Variants in ZACN observed in about 807,000 individuals in gnomAD.
The protein encoded by ZACN is zinc activated ion channel.
Under a neutral mutation model 38.9 loss-of-function variants are expected in ZACN, and 52 were observed. That is an observed-to-expected ratio of 1.34 (90% CI 1.07 to 1.68). The LOEUF (loss-of-function observed/expected upper bound fraction) is 1.68, where lower values mean the gene tolerates loss of function less well. Among genes scored for constraint, ZACN ranks in the 40% most tolerant of loss-of-function variants. The probability of loss-of-function intolerance (pLI) is 0.00; values close to 1 mark genes in which losing one functional copy is unlikely to be tolerated. For synonymous variants in ZACN, 235 were observed against 227.4 expected, an observed-to-expected ratio of 1.03 and a Z score of -0.30; for missense variants, 559 against 525.6, an observed-to-expected ratio of 1.06 and a Z score of -0.62.
In ZACN at chr17:76,079,912, T is replaced by C; in HGVS notation, c.292T>C (p.Trp98Arg). The C allele has an allele frequency of 1.3e-6, 2 of 1,599,276 alleles. No individual in the cohort carries two copies. The highest frequency in any genetic ancestry group is 1.7e-6 in the Non-Finnish European group (2 of 1,172,830). ...GTCCTGGCTGGACACTCGCCTGGCC[T>C]GGAACACTAGTGCACACCCGCGGCA... ...RLSWLDTRLA[W>R]NTSAHPRHAI... The change falls in exon 4 of 9, where the codon TGG becomes CGG. Residue 98 changes from tryptophan (W) to arginine (R), a missense_variant. Transcript: ENST00000334586.
chr17:76,082,257 C>T, intron 8 of ZACN: 1 of 775,750 alleles, frequency 1.3e-6, no homozygotes, highest in Non-Finnish European at 2.0e-6. Flanking sequence ...CAGGTGACCT[C>T]AATCCCCTGA....
In ZACN at chr17:76,079,345, C is replaced by T; in HGVS notation, c.81C>T (p.Phe27=). The change falls in exon 1 of 9, where the codon TTC becomes TTT. Residue 27 remains phenylalanine (F), a synonymous_variant. Transcript: ENST00000334586. ...ITLLLVHGQG[F]QGTAAIWPSL... is the part of the protein sequence containing the mutation. The stretch of plus-strand genomic sequence containing the variant: ...TGCTGTTGGTCCACGGGCAGGGCTT[C>T]CAAGGGACAGCAGCCAGTAGGTGGA... 5 of 1,614,122 alleles carry T rather than the reference C, an allele frequency of 3.1e-6. No individual in the cohort carries two copies. The highest frequency in any genetic ancestry group is 4.2e-6 in the Non-Finnish European group (5 of 1,179,984).
In ZACN at chr17:76,080,414, C is replaced by T. The variant is rs920331199; in HGVS notation, c.534C>T (p.Leu178=). 1 of 1,613,746 alleles carries T rather than the reference C, an allele frequency of 6.2e-7. No homozygotes were observed. Among genetic ancestry groups the T allele is most frequent in the Non-Finnish European group, 8.5e-7 (1 of 1,180,006 alleles). ...HSNCSLSFYA[L]SNTAMELEFQ... Reference sequence around the variant, plus strand: ...ACTGCAGCCTCAGCTTCTACGCTCTCAGCAACACGGGTGCTGACAGGGCAG... The same window carrying T: ...ACTGCAGCCTCAGCTTCTACGCTCTTAGCAACACGGGTGCTGACAGGGCAG... The change falls in exon 5 of 9, where the codon CTC becomes CTT. Residue 178 remains leucine, a synonymous_variant. Transcript: ENST00000334586.
Position 76,081,927 on chromosome 17 carries a change from TAG to T in ZACN, c.930_931del (p.Glu310AspfsTer39), listed in dbSNP as rs762853986. ...CTGCTGCTGCTCTTCCTCAGCACCA[TAG>T]AGACTGTGCTGCTGGCTGGGCTGCT... On this transcript the variant is annotated frameshift_variant, in exon 8 of 9. Transcript: ENST00000334586. LOFTEE classifies it high-confidence loss of function. 15 of 1,613,226 alleles carry T rather than the reference TAG, an allele frequency of 9.3e-6. No individual in the cohort carries two copies. Among genetic ancestry groups the T allele is most frequent in the African/African-American group, 1.3e-5 (1 of 74,916 alleles).
rs1598280877 is a variant in ZACN at position 76,081,078 on chromosome 17, C to G, written c.545-200C>G. 8.1e-6 allele frequency: 5 copies of G among 616,754 alleles called. No individual in the cohort carries two copies. In the East Asian group the frequency reaches 1.2e-4, roughly 15 times the overall value. The allele number at this position is 616,754 out of a possible 1,614,324, so 38.2% of individuals were successfully genotyped here. A position where few individuals can be genotyped will look rare whatever the true frequency, so the allele number is the denominator to read the frequency against. On this transcript the variant is annotated intron_variant, in intron 5 of 8. Transcript: ENST00000334586. ...GCTCATCTATGAATCTGATAAAGGC[C>G]TTCCTTCAACTGGAGACAATTTGGG... is the stretch of plus-strand genomic sequence containing the variant.
At chr17:76,082,103 G>C in intron 8 of ZACN, 54 bp downstream of exon 8, 1 of 1,533,448 alleles carries the variant, frequency 6.5e-7, no homozygotes. Flanking sequence ...CCTAGGGCTG[G>C]GGTGAGGGCA....
chr17:76,079,705 A>T lies in ZACN; in HGVS notation c.226A>T (p.Ile76Phe). The T allele has an allele frequency of 6.2e-7, 1 of 1,613,490 alleles. No individual in the cohort carries two copies. The highest frequency in any genetic ancestry group is 8.5e-7 in the Non-Finnish European group (1 of 1,179,590). Residue 76 changes from isoleucine to phenylalanine, a missense_variant, in exon 3 of 9, where the codon ATC (isoleucine) becomes TTC (phenylalanine). Coordinates refer to ENST00000334586, the MANE Select transcript of ZACN (RefSeq NM_180990.4). ...VFVSNVFNVD[I>F]LRYTMSSMLL... ...TGATGCATTGCCCTTCCCCCAGGAC[A>T]TCCTGCGATACACAATGTCCTCCAT...
chr17:76,081,946 TGGGCTGCTGGCC>T lies in ZACN; in HGVS notation c.946_957del (p.Gly316_Ala319del), dbSNP rs1441143032. 1 of 1,613,094 alleles carries T rather than the reference TGGGCTGCTGGCC, an allele frequency of 6.2e-7. No individual in the cohort carries two copies. ...GCACCATAGAGACTGTGCTGCTGGC[TGGGCTGCTGGCC>T]CGGGGCAACCTTGGGGCCAAGAGCG... is the stretch of plus-strand genomic sequence containing the variant. On this transcript the variant is annotated inframe_deletion, in exon 8 of 9. Transcript: ENST00000334586.
Position 76,080,434 on chromosome 17 carries a change from G to A in ZACN, c.544+10G>A. On this transcript the variant is annotated intron_variant, in intron 5 of 8. Coordinates refer to ENST00000334586, the MANE Select transcript of ZACN (RefSeq NM_180990.4). ...GCTCTCAGCAACACGGGTGCTGACA[G>A]GGCAGGGGCTGCAGGGTTGAGGAGG... is the stretch of plus-strand genomic sequence containing the variant. The A allele has an allele frequency of 6.2e-7, 1 of 1,613,232 alleles. No homozygotes were observed. Among genetic ancestry groups the A allele is most frequent in the Non-Finnish European group, 8.5e-7 (1 of 1,179,922 alleles).
chr17:76,081,620 G>A lies in ZACN; in HGVS notation c.745G>A (p.Val249Met), dbSNP rs566441531. 26 of 1,614,082 alleles carry A rather than the reference G, an allele frequency of 1.6e-5. No homozygotes were observed. Among genetic ancestry groups the A allele is most frequent in the Admixed American group, 1.0e-4 (6 of 60,032 alleles). The part of the protein sequence containing the change: ...VPAEALLLAD[V>M]CGGLLPLRAI... Reference sequence around the variant, plus strand: ...TGCAGAGGCACTGCTGTTGGCTGACGTGTGCGGGGGGTTGCTGCCCCTCCG... The same window carrying A: ...TGCAGAGGCACTGCTGTTGGCTGACATGTGCGGGGGGTTGCTGCCCCTCCG... The change falls in exon 7 of 9, where the codon GTG (valine) becomes ATG (methionine). Residue 249 changes from valine (V) to methionine (M), a missense_variant. Transcript: ENST00000334586.
At position 76,082,465 on chromosome 17, in the gene ZACN, C is replaced by T; in HGVS notation, c.1051C>T (p.Pro351Ser). 1.2e-6 allele frequency: 2 copies of T among 1,604,776 alleles called. No homozygotes were observed. The highest frequency in any genetic ancestry group is 2.2e-5 in the East Asian group (1 of 44,706). Residue 351 changes from proline to serine, a missense_variant and splice_region_variant, in exon 9 of 9, where the codon CCC (proline) becomes TCC (serine). Physicochemically the swap from Pro to Ser is moderately conservative, Grantham distance 74 (BLOSUM62 -1). Transcript: ENST00000334586. ...GNPGPHPAEEPSRGVKGSQRS... is the reference protein window; with the variant it reads ...GNPGPHPAEESSRGVKGSQRS... ...TTTCCCTGTATCTCTCCCCACAGAG[C>T]CCTCCAGAGGAGTAAAGGGGTCACA... is the stretch of plus-strand genomic sequence containing the variant.
In ZACN at chr17:76,080,021, A is replaced by T. The variant is rs548448874; in HGVS notation, c.374+27A>T. The T allele has an allele frequency of 1.6e-5, 25 of 1,548,410 alleles. No homozygotes were observed. The African/African-American group carries it at 2.5e-4, about 15-fold the overall frequency. ...TAAGTGAGACAGTTCCTGCCCCAGG[A>T]ATCTGCCATGCATAGCCCTCCTTTT... On this transcript the variant is annotated intron_variant, in intron 4 of 8. Transcript: ENST00000334586.
rs767369674 is a variant in ZACN, at chr17:76,082,011, A to C, written c.1010A>C (p.Gln337Pro). The C allele has an allele frequency of 6.2e-7, 1 of 1,611,542 alleles. No homozygotes were observed. Among genetic ancestry groups the C allele is most frequent in the Non-Finnish European group, 8.5e-7 (1 of 1,179,452 alleles). ...SGPSPAPRGE[Q>P]REHGNPGPHP... is the part of the protein sequence containing the mutation. ...CCCAGCCCAGCCCCGAGAGGGGAAC[A>C]GCGAGAGCACGGCAACCCAGGGCCT... Residue 337 changes from glutamine (Q) to proline (P), a missense_variant, in exon 8 of 9, where the codon CAG becomes CCG. By Grantham distance (76) the Gln-to-Pro change is moderately conservative (BLOSUM62 -1). Coordinates refer to ENST00000334586, the MANE Select transcript of ZACN (RefSeq NM_180990.4).
chr17:76,082,335 C>A (rs2067017239), intron 8 of ZACN, 128 bp from the exon 9 acceptor site: 1 of 1,081,380 alleles, frequency 9.2e-7, no homozygotes, highest in Non-Finnish European at 1.3e-6. Context: ...TGGGCCAGAC[C>A]CAAATTTTCA....
In ZACN at chr17:76,081,946, T is replaced by C. The variant is rs754793577; in HGVS notation, c.945T>C (p.Ala315=). 2.5e-6 allele frequency: 4 copies of C among 1,613,094 alleles called. No individual in the cohort carries two copies. The highest frequency in any genetic ancestry group is 1.1e-5 in the South Asian group (1 of 91,056). ...FLSTIETVLL[A]GLLARGNLGA... is the part of the protein sequence containing the mutation. The stretch of plus-strand genomic sequence containing the variant: ...GCACCATAGAGACTGTGCTGCTGGC[T>C]GGGCTGCTGGCCCGGGGCAACCTTG... Residue 315 remains alanine (A), a synonymous_variant, in exon 8 of 9, where the codon GCT becomes GCC. Transcript: ENST00000334586.
At chr17:76,081,451 G>A in intron 6 of ZACN, 49 bp downstream of exon 6, 1 of 1,612,208 alleles carries the variant, frequency 6.2e-7, no homozygotes, top group Non-Finnish European at 8.5e-7. Context: ...GAGGCGGGTG[G>A]GAGTGAGGAT....
At chr17:76,079,814 T>C in intron 3 of ZACN, 68 bp downstream of exon 3, 2 of 1,603,028 alleles carry the variant, frequency 1.2e-6, no homozygotes, top group East Asian at 4.5e-5. Context: ...ACTACCAGCC[T>C]TCATCAACAT....
rs371765385 is a variant in ZACN at position 76,081,958 on chromosome 17, C to T, written c.957C>T (p.Ala319=). 143 of 1,612,792 alleles carry T rather than the reference C, an allele frequency of 8.9e-5. No homozygotes were observed. Among genetic ancestry groups the T allele is most frequent in the Middle Eastern group, 1.6e-4 (1 of 6,078 alleles). Residue 319 remains alanine (A), a synonymous_variant, in exon 8 of 9, where the codon GCC becomes GCT. Transcript: ENST00000334586. ...CTGTGCTGCTGGCTGGGCTGCTGGCCCGGGGCAACCTTGGGGCCAAGAGCG... is the reference window on the plus strand; with the variant it reads ...CTGTGCTGCTGGCTGGGCTGCTGGCTCGGGGCAACCTTGGGGCCAAGAGCG... ...IETVLLAGLL[A]RGNLGAKSGP...
At chr17:76,081,505 T>A (rs976104701) in intron 6 of ZACN, 40 bp from the exon 7 acceptor site, 5 of 1,610,672 alleles carry the variant, frequency 3.1e-6, no homozygotes, top group African/African-American at 1.3e-5. Context: ...GCCCACCTCC[T>A]TCCCCCCCGC....
Sources: gnomAD v4.1 joint callset for allele counts on GRCh38, gnomAD v4.1.1 for gene constraint, MANE v1.5 for transcripts, NCBI Gene and HGNC (gene_info 2026-07-23, HGNC 2026-07-21) for gene names.